The following DOCK10 variants were observed in gnomAD, a reference collection of about 807,000 sequenced individuals.
DOCK10 encodes dedicator of cytokinesis protein 10.
DOCK10 carries 145 observed loss-of-function variants against 280.1 expected under a neutral mutation model. That is an observed-to-expected ratio of 0.52 (90% confidence interval 0.45 to 0.59). The LOEUF is 0.59. DOCK10 is among the 20% of genes least tolerant of loss of function. The pLI is 0.00. For synonymous variants in DOCK10, 915 were observed against 942.2 expected, an observed-to-expected ratio of 0.97 and a Z score of 0.53; for missense variants, 2,368 against 2,651.7, an observed-to-expected ratio of 0.89 and a Z score of 2.35.
chr2:224,968,536 GT>G (rs1704904282), intron 1 of DOCK10, among the ~76,000 whole-genome samples: 1 of 152,200 alleles, frequency 6.6e-6, no homozygotes, highest in African/African-American at 2.4e-5. Context: ...GTGTAAAATG[GT>G]GATAATTTGA....
chr2:224,958,136 A>G (rs1034005870), intron 1 of DOCK10, among the ~76,000 whole-genome samples: 1 of 152,270 alleles, frequency 6.6e-6, no homozygotes. Context: ...TGTGAGGCTT[A>G]TTAATAGAAT....
At chr2:224,811,123 T>C (rs1425606172) in intron 31 of DOCK10, among the ~76,000 whole-genome samples, 2 of 152,182 alleles carry the variant, frequency 1.3e-5, no homozygotes, top group African/African-American at 4.8e-5. Context: ...TGTTCCTGTT[T>C]CTCCACATCC....
chr2:224,814,671 G>A (rs771054222), intron 30 of DOCK10, among the ~76,000 whole-genome samples: 1 of 152,000 alleles, frequency 6.6e-6, no homozygotes, highest in Non-Finnish European at 1.5e-5. Context: ...ACAGGTGCCC[G>A]CCACTGCACC....
intron 7 of DOCK10, among the ~76,000 whole-genome samples, chr2:224,876,912 G>C (rs1001626047): frequency 1.3e-5 from 2 of 152,146 alleles, no homozygotes; most frequent in Non-Finnish European, 2.9e-5. Context: ...TCCATGTGCA[G>C]TGACATCCCA....
chr2:224,995,391 A>T (rs1399300572), intron 1 of DOCK10, among the ~76,000 whole-genome samples: 1 of 152,266 alleles, frequency 6.6e-6, no homozygotes. Context: ...ATGTATAAGA[A>T]GCATCTTTAG....
At chr2:224,946,435 T>C (rs571928097) in intron 1 of DOCK10, among the ~76,000 whole-genome samples, 1 of 152,192 alleles carries the variant, frequency 6.6e-6, no homozygotes, top group Non-Finnish European at 1.5e-5. Flanking sequence ...TAGTGGCATA[T>C]GATAAAATAG....
At position 224,765,815 on chromosome 2, in the gene DOCK10, G is replaced by A; in HGVS notation, c.6467C>T (p.Ser2156Leu). 6.2e-7 allele frequency: 1 copy of A among 1,613,778 alleles called. No individual in the cohort carries two copies. The change falls in exon 56 of 56, where the codon TCA becomes TTA. Residue 2156 changes from serine (S) to leucine (L), a missense_variant. By Grantham distance (145) the Ser-to-Leu change is moderately radical. This residue lies in a region of DOCK10 where 1,159 missense variants were observed against 1,400.8 expected (regional missense o/e 0.83). Transcript: ENST00000258390. The part of the protein sequence containing the change: ...NEQITGRDDL[S>L]KRGVDQTCTR... ...GCAGGTTTGGTCCACTCCGCGCTTT[G>A]ACAGGTCGTCCCTGCCCGTAATCTT...
chr2:224,864,678 G>A lies in DOCK10; in HGVS notation c.1480-3C>T. On this transcript the variant is annotated splice_polypyrimidine_tract_variant and splice_region_variant and intron_variant, in intron 12 of 55. Transcript: ENST00000258390. ...GGATTGCTTACAGAAAATACAGCCT[G>A]TGTACAAAGAAAGCAGCTAATAAGC... 1.2e-6 allele frequency: 2 copies of A among 1,604,718 alleles called. No homozygotes were observed. The highest frequency in any genetic ancestry group is 1.7e-6 in the Non-Finnish European group (2 of 1,177,586).
intron 3 of DOCK10, among the ~76,000 whole-genome samples, chr2:224,901,534 AAAAGCAGGCCAAAGTCAACATGGTC>A (rs1318527568): frequency 7.9e-5 from 12 of 152,216 alleles, no homozygotes; most frequent in Non-Finnish European, 1.5e-5. Flanking sequence ...TTAGACACCA[AAAAGCAGGCCAAAGTCAACATGGTC>A]AAAGGCTTTT....
chr2:224,886,893 C>CCGCCCA (rs1553605476), intron 4 of DOCK10, among the ~76,000 whole-genome samples: 1 of 149,400 alleles, frequency 6.7e-6, no homozygotes, highest in Non-Finnish European at 1.5e-5. Flanking sequence ...CCAACACCCC[C>CCGCCCA]CCAAGTAGTA....
intron 19 of DOCK10, among the ~76,000 whole-genome samples, chr2:224,847,293 G>A (rs1275219035): frequency 6.6e-6 from 1 of 152,198 alleles, no homozygotes; most frequent in Non-Finnish European, 1.5e-5. Context: ...ACAGTGTTAG[G>A]AAGCAGGGCT....
At chr2:224,933,120 G>C (rs1490394173) in intron 1 of DOCK10, among the ~76,000 whole-genome samples, 2 of 152,170 alleles carry the variant, frequency 1.3e-5, no homozygotes, top group African/African-American at 2.4e-5. Context: ...AAGAAATTCA[G>C]TTGACGAACA....
At chr2:225,014,084 G>GTTTTTTTTTTT (rs1174953662) in intron 1 of DOCK10, among the ~76,000 whole-genome samples, 4 of 104,448 alleles carry the variant, frequency 3.8e-5, no homozygotes, top group African/African-American at 4.9e-5. Context: ...TGAATATATT[G>GTTTTTTTTTTT]TTTTTTTTTT....
intron 40 of DOCK10, 87 bp from the exon 41 acceptor site, chr2:224,800,350 A>C: frequency 1.4e-6 from 1 of 726,434 alleles, no homozygotes. Flanking sequence ...CAATATATTC[A>C]AAGTTTGCTG....
intron 42 of DOCK10, among the ~76,000 whole-genome samples, chr2:224,797,363 A>G (rs1342013223): frequency 1.3e-5 from 2 of 151,120 alleles, no homozygotes; most frequent in African/African-American, 2.4e-5. Flanking sequence ...TCTACATTGT[A>G]TAAGTATCCT....
chr2:224,792,704 T>C (rs888504584), intron 47 of DOCK10, among the ~76,000 whole-genome samples: 1 of 152,244 alleles, frequency 6.6e-6, no homozygotes, highest in Non-Finnish European at 1.5e-5. Context: ...GGCATGCAGA[T>C]TGGTAGCTAA....
intron 1 of DOCK10, among the ~76,000 whole-genome samples, chr2:225,002,354 C>A (rs1034627400): frequency 3.3e-5 from 5 of 152,178 alleles, no homozygotes; most frequent in African/African-American, 1.2e-4. Context: ...TTTGTAGTAT[C>A]ATTTCTTCAA....
intron 1 of DOCK10, among the ~76,000 whole-genome samples, chr2:224,950,657 A>G (rs1229096685): frequency 6.6e-6 from 1 of 152,226 alleles, no homozygotes; most frequent in Non-Finnish European, 1.5e-5. Context: ...TGATTTAGAC[A>G]TGTTGAATGT....
chr2:225,025,689 CTT>C (rs1485127390), intron 1 of DOCK10, among the ~76,000 whole-genome samples: 2 of 151,790 alleles, frequency 1.3e-5, no homozygotes, highest in South Asian at 2.1e-4. Flanking sequence ...TGCCTGGGCT[CTT>C]GTTTCCAAGG....
Sources: gnomAD v4.1 joint callset for allele counts (sites outside exome capture counted in the v4.1 genomes callset) on GRCh38, gnomAD v4.1.1 for gene constraint, gnomAD v4.1.1 regional missense constraint, MANE v1.5 for transcripts, NCBI Gene and HGNC (gene_info 2026-07-23, HGNC 2026-07-21) for gene names.